TMEM38B: variants seen among roughly 807,000 people sequenced by gnomAD.
TMEM38B encodes trimeric intracellular cation channel type B.
A neutral mutation model predicts 28.7 loss-of-function variants in TMEM38B; 24 were observed. That is an observed-to-expected ratio of 0.84 (90% confidence interval 0.61 to 1.18). The LOEUF is 1.18. TMEM38B is among the 50% of genes most tolerant of loss of function. TMEM38B has a pLI of 0.00. For missense variants in TMEM38B, 380 were observed against 350.9 expected (o/e 1.08, Z -0.66); for synonymous variants, 131 against 127.7 (o/e 1.03, Z -0.17).
chr9:105,716,704 T>A (rs1269969012), intron 2 of TMEM38B, among the ~76,000 whole-genome samples: 1 of 122,898 alleles, frequency 8.1e-6, no homozygotes, highest in African/African-American at 3.7e-5. Flanking sequence ...TCCCTCCTCC[T>A]CGTCAGCCTA....
chr9:105,767,031 G>A (rs1373129304), intron 5 of TMEM38B, among the ~76,000 whole-genome samples: 5 of 151,914 alleles, frequency 3.3e-5, no homozygotes, highest in African/African-American at 1.2e-4. Flanking sequence ...CAGAATGATG[G>A]TTTCCAGCTT....
At chr9:105,768,157 A>G (rs971637202) in intron 5 of TMEM38B, among the ~76,000 whole-genome samples, 11 of 152,112 alleles carry the variant, frequency 7.2e-5, no homozygotes, top group African/African-American at 2.4e-4. Flanking sequence ...GATTTTGTCA[A>G]ATGCTTTCTT....
intron 2 of TMEM38B, among the ~76,000 whole-genome samples, chr9:105,715,417 T>C (rs1423225519): frequency 6.6e-6 from 1 of 152,204 alleles, no homozygotes; most frequent in Non-Finnish European, 1.5e-5. Flanking sequence ...GACAGTATTC[T>C]CTTCTACATG....
At chr9:105,731,503 G>A (rs1225863926) in intron 4 of TMEM38B, among the ~76,000 whole-genome samples, 1 of 151,998 alleles carries the variant, frequency 6.6e-6, no homozygotes, top group Non-Finnish European at 1.5e-5. Context: ...TCCCCACCCT[G>A]TGTCCAAGTG....
intron 5 of TMEM38B, chr9:105,749,209 A>G (rs543389045): frequency 5.1e-6 from 4 of 791,386 alleles, no homozygotes; most frequent in South Asian, 1.7e-5. Context: ...TTATTGAGAT[A>G]TATTTTCCAT....
intron 5 of TMEM38B, among the ~76,000 whole-genome samples, chr9:105,762,375 T>C (rs940858972): frequency 2.0e-5 from 3 of 149,866 alleles, no homozygotes; most frequent in African/African-American, 7.3e-5. Context: ...TTATCTAGCA[T>C]TAGGTATATC....
intron 4 of TMEM38B, among the ~76,000 whole-genome samples, chr9:105,736,018 C>T (rs1263025605): frequency 1.3e-5 from 2 of 151,654 alleles, no homozygotes; most frequent in Admixed American, 6.6e-5. Context: ...TTAGAGATTG[C>T]TGCACCATGC....
Position 105,694,619 on chromosome 9 carries a change from C to G in TMEM38B, c.-42C>G, listed in dbSNP as rs768510066. The G allele has an allele frequency of 6.4e-7, 1 of 1,557,240 alleles. No individual in the cohort carries two copies. Among genetic ancestry groups the G allele is most frequent in the Admixed American group, 1.7e-5 (1 of 59,814 alleles). ...TCCTCACCGCGCGAGCGCGGGGAAC[C>G]AGTAGCCGCGGCTGCTTCGGTTGCC... is the stretch of plus-strand genomic sequence containing the variant. On this transcript the variant is annotated 5_prime_UTR_variant, in exon 1 of 6. Transcript: ENST00000374692.
At chr9:105,753,616 C>T (rs757355976) in intron 5 of TMEM38B, among the ~76,000 whole-genome samples, 5 of 151,996 alleles carry the variant, frequency 3.3e-5, no homozygotes, top group Non-Finnish European at 7.4e-5. Flanking sequence ...AAGCAAATGC[C>T]GAGGGAATTC....
chr9:105,708,113 C>T (rs780498992), intron 2 of TMEM38B, among the ~76,000 whole-genome samples: 15 of 152,126 alleles, frequency 9.9e-5, no homozygotes, highest in African/African-American at 1.7e-4. Flanking sequence ...TGAGTCTATT[C>T]GTTATTCTTC....
chr9:105,729,411 A>G (rs1225413293), intron 4 of TMEM38B, among the ~76,000 whole-genome samples: 1 of 151,966 alleles, frequency 6.6e-6, no homozygotes, highest in East Asian at 1.9e-4. Context: ...TGTTATCTCT[A>G]AGGTCTCTGT....
chr9:105,753,210 CGAG>C (rs1417283101), intron 5 of TMEM38B, among the ~76,000 whole-genome samples: 2 of 152,006 alleles, frequency 1.3e-5, no homozygotes, highest in Non-Finnish European at 2.9e-5. Flanking sequence ...TTGAAAGAGA[CGAG>C]GAGAATGGAA....
At chr9:105,697,741 T>C (rs1835336328) in intron 1 of TMEM38B, among the ~76,000 whole-genome samples, 1 of 152,172 alleles carries the variant, frequency 6.6e-6, no homozygotes, top group Non-Finnish European at 1.5e-5. Context: ...GTTTAAAAAA[T>C]CTCATAATAT....
At chr9:105,696,033 C>T (rs1377773779) in intron 1 of TMEM38B, among the ~76,000 whole-genome samples, 1 of 152,190 alleles carries the variant, frequency 6.6e-6, no homozygotes, top group Non-Finnish European at 1.5e-5. Context: ...GATTCTCTGA[C>T]ACTGCCAGTT....
intron 2 of TMEM38B, among the ~76,000 whole-genome samples, chr9:105,709,739 G>A (rs1386273698): frequency 6.6e-6 from 1 of 152,198 alleles, no homozygotes; most frequent in Non-Finnish European, 1.5e-5. Flanking sequence ...TGCATGTGGT[G>A]TACAAGTAAA....
At chr9:105,695,272 G>A (rs962214366) in intron 1 of TMEM38B, among the ~76,000 whole-genome samples, 4 of 149,480 alleles carry the variant, frequency 2.7e-5, no homozygotes, top group Non-Finnish European at 5.9e-5. Context: ...ATAGATGGTT[G>A]CGGACTACTC....
At chr9:105,763,902 C>G (rs1838161891) in intron 5 of TMEM38B, among the ~76,000 whole-genome samples, 1 of 150,784 alleles carries the variant, frequency 6.6e-6, no homozygotes, top group Non-Finnish European at 1.5e-5. Context: ...TGGGCTTCAT[C>G]CCTGGGATGC....
chr9:105,763,211 C>T (rs1458964206), intron 5 of TMEM38B, among the ~76,000 whole-genome samples: 3 of 152,036 alleles, frequency 2.0e-5, no homozygotes, highest in South Asian at 2.1e-4. Flanking sequence ...TGTAGGTTGC[C>T]TGTTCACTGT....
intron 5 of TMEM38B, among the ~76,000 whole-genome samples, chr9:105,762,397 TCCCTCCC>T (rs1425583574): frequency 2.6e-5 from 3 of 115,388 alleles, no homozygotes; most frequent in Non-Finnish European, 5.3e-5. Flanking sequence ...CCCAATGCTA[TCCCTCCC>T]CCCTCCCCCC....
Sources: gnomAD v4.1 joint callset for allele counts (sites outside exome capture counted in the v4.1 genomes callset) on GRCh38, gnomAD v4.1.1 for gene constraint, MANE v1.5 for transcripts, NCBI Gene and HGNC (gene_info 2026-07-23, HGNC 2026-07-21) for gene names.